Variants in SLC15A5 observed in about 807,000 individuals in gnomAD.
The protein encoded by SLC15A5 is Peptide/histidine transporter ENSP00000340402.
Under a neutral mutation model 56.1 loss-of-function variants are expected in SLC15A5, and 58 were observed. That is an observed-to-expected ratio of 1.03 (90% CI 0.84 to 1.29). The LOEUF is 1.29. Among genes scored for constraint, SLC15A5 ranks in the 50% most tolerant of loss-of-function variants. The pLI is 0.00. For missense variants in SLC15A5, 681 were observed against 672.1 expected, an observed-to-expected ratio of 1.01 and a Z score of -0.15; for synonymous variants, 264 against 250.5, an observed-to-expected ratio of 1.05 and a Z score of -0.51.
At chr12:16,244,275 C>G (rs565591967) in intron 4 of SLC15A5, among the ~76,000 whole-genome samples, 3 of 152,298 alleles carry the variant, frequency 2.0e-5, no homozygotes, top group East Asian at 1.9e-4. Flanking sequence ...GCCTACAGAT[C>G]TGATATGTTC....
intron 7 of SLC15A5, among the ~76,000 whole-genome samples, chr12:16,208,673 A>G (rs549322712): frequency 1.1e-4 from 17 of 151,012 alleles, no homozygotes; most frequent in African/African-American, 2.7e-4. Context: ...TCTCTAAAAA[A>G]CCCCCCAAAA....
intron 1 of SLC15A5, among the ~76,000 whole-genome samples, chr12:16,276,183 T>C (rs369081985): frequency 6.6e-6 from 1 of 152,040 alleles, no homozygotes; most frequent in East Asian, 1.9e-4. Context: ...ACCTAGTTTT[T>C]ATTCCACAGA....
chr12:16,232,126 A>G (rs1303546620), intron 5 of SLC15A5, among the ~76,000 whole-genome samples: 2 of 152,262 alleles, frequency 1.3e-5, no homozygotes, highest in African/African-American at 4.8e-5. Flanking sequence ...AGACAAGCAA[A>G]CAGGAAGTGG....
In SLC15A5 at chr12:16,196,427, G is replaced by A. The variant is rs983731917; in HGVS notation, c.1484-1974C>T. 1.3e-5 allele frequency among the ~76,000 whole-genome samples: 2 copies of A among 151,862 alleles called. No individual in the cohort carries two copies. Among genetic ancestry groups the A allele is most frequent in the Non-Finnish European group, 2.9e-5 (2 of 67,906 alleles). On this transcript the variant is annotated intron_variant, in intron 7 of 8. Coordinates refer to ENST00000344941, the MANE Select transcript of SLC15A5 (RefSeq NM_001170798.1). The surrounding 1 kb of genome is among the most constrained non-coding windows in gnomAD (Gnocchi z 4.0). ...GTGTGCCCGTGCATGTGTGCACACA[G>A]GAACTAAACATTTGATTGTACTTGA...
At chr12:16,251,321 A>G (rs993678778) in intron 3 of SLC15A5, among the ~76,000 whole-genome samples, 5 of 151,906 alleles carry the variant, frequency 3.3e-5, no homozygotes, top group African/African-American at 1.2e-4. Flanking sequence ...CAGAAGAAAG[A>G]AGGAAATAAT....
At chr12:16,204,245 C>G (rs1863991490) in intron 7 of SLC15A5, among the ~76,000 whole-genome samples, 1 of 151,966 alleles carries the variant, frequency 6.6e-6, no homozygotes, top group African/African-American at 2.4e-5. Flanking sequence ...CACTTGAGGT[C>G]AGGAGTTTGA....
intron 5 of SLC15A5, among the ~76,000 whole-genome samples, chr12:16,225,280 C>G (rs1864229887): frequency 6.6e-6 from 1 of 152,116 alleles, no homozygotes; most frequent in African/African-American, 2.4e-5. Context: ...ATTTCTAGTT[C>G]TAGATCCCTG....
At chr12:16,239,946 C>A in intron 4 of SLC15A5, 79 bp from the exon 5 acceptor site, 2 of 1,276,926 alleles carry the variant, frequency 1.6e-6, no homozygotes, top group Non-Finnish European at 1.1e-6. Context: ...AGAGGCCTAC[C>A]CTCTTGCACG....
intron 3 of SLC15A5, among the ~76,000 whole-genome samples, chr12:16,247,007 A>G (rs1208116611): frequency 6.6e-6 from 1 of 152,174 alleles, no homozygotes; most frequent in Non-Finnish European, 1.5e-5. Flanking sequence ...CATACAAAAT[A>G]TAAGCCCTGA....
Position 16,207,571 on chromosome 12 carries a change from T to C in SLC15A5, c.1483+9322A>G, listed in dbSNP as rs1345334839. On this transcript the variant is annotated intron_variant, in intron 7 of 8. Coordinates refer to ENST00000344941, the MANE Select transcript of SLC15A5 (RefSeq NM_001170798.1). ...TTCTGAATATCACTGGGCAAATTCA[T>C]GCTTTAGGTAGTTTGGGATCACTCT... Among the ~76,000 whole-genome samples, 3 of 152,186 alleles carry C rather than the reference T, an allele frequency of 2.0e-5. No homozygotes were observed. In the South Asian group the frequency reaches 6.2e-4, roughly 32 times the overall value.
intron 6 of SLC15A5, among the ~76,000 whole-genome samples, chr12:16,222,373 A>G (rs1363094883): frequency 3.3e-5 from 5 of 152,180 alleles, no homozygotes; most frequent in Admixed American, 2.0e-4. Context: ...TTGATTTTAT[A>G]GTTTGAAATA....
At chr12:16,193,700 T>C (rs533749944) in intron 8 of SLC15A5, among the ~76,000 whole-genome samples, 1 of 151,714 alleles carries the variant, frequency 6.6e-6, no homozygotes, top group Non-Finnish European at 1.5e-5. Context: ...GGTTTTTTAT[T>C]TTACATGTGT....
intron 5 of SLC15A5, among the ~76,000 whole-genome samples, chr12:16,233,403 A>C (rs1192532992): frequency 6.6e-6 from 1 of 152,208 alleles, no homozygotes; most frequent in Non-Finnish European, 1.5e-5. Context: ...ATTTAAAATT[A>C]TTTCTTTTGG....
At position 16,189,487 on chromosome 12, in the gene SLC15A5, G is replaced by T. The variant is rs1863819602; in HGVS notation, c.*181C>A. 1 of 439,874 alleles carries T rather than the reference G, an allele frequency of 2.3e-6. No individual in the cohort carries two copies. The highest frequency in any genetic ancestry group is 3.7e-6 in the Non-Finnish European group (1 of 267,374). The allele number at this position is 439,874 out of a possible 1,614,324, so 27.2% of individuals were successfully genotyped here. A position where few individuals can be genotyped will look rare whatever the true frequency, so the allele number is the denominator to read the frequency against. The stretch of plus-strand genomic sequence containing the variant: ...AATTCTAATGCTATAACATGTTAAT[G>T]CAAAAGCATGACAGTTTACTAGAAA... On this transcript the variant is annotated 3_prime_UTR_variant, in exon 9 of 9. Transcript: ENST00000344941.
chr12:16,222,928 T>C (rs986123391), intron 6 of SLC15A5, among the ~76,000 whole-genome samples: 7 of 152,224 alleles, frequency 4.6e-5, no homozygotes, highest in Admixed American at 3.9e-4. Flanking sequence ...TTACACTTCT[T>C]TTGTCTTCCT....
intron 6 of SLC15A5, among the ~76,000 whole-genome samples, chr12:16,220,914 G>A (rs1369870856): frequency 2.6e-5 from 4 of 152,012 alleles, no homozygotes; most frequent in Admixed American, 1.3e-4. Flanking sequence ...CAAACATAGG[G>A]TATGAGACAG....
At chr12:16,232,566 A>G (rs1864308978) in intron 5 of SLC15A5, among the ~76,000 whole-genome samples, 1 of 152,216 alleles carries the variant, frequency 6.6e-6, no homozygotes, top group African/African-American at 2.4e-5. Flanking sequence ...GGAAAGAGAG[A>G]AGAGCTTTCC....
At chr12:16,206,246 C>T (rs770243726) in intron 7 of SLC15A5, among the ~76,000 whole-genome samples, 3 of 152,144 alleles carry the variant, frequency 2.0e-5, no homozygotes, top group Non-Finnish European at 4.4e-5. Flanking sequence ...TTTCCTCTTA[C>T]ATATGATGGG....
chr12:16,223,121 T>C (rs539912072), intron 6 of SLC15A5, among the ~76,000 whole-genome samples: 1 of 151,612 alleles, frequency 6.6e-6, no homozygotes, highest in South Asian at 2.1e-4. Flanking sequence ...ATCATAAGTA[T>C]GTGTGTGTAT....
Sources: gnomAD v4.1 joint callset for allele counts (sites outside exome capture counted in the v4.1 genomes callset) on GRCh38, gnomAD v4.1.1 for gene constraint, Gnocchi (gnomAD v3.1) non-coding constraint, MANE v1.5 for transcripts, NCBI Gene and HGNC (gene_info 2026-07-23, HGNC 2026-07-21) for gene names.